Variants in MICU2 observed in about 807,000 individuals in gnomAD.
The protein encoded by MICU2 is calcium uptake protein 2, mitochondrial.
A neutral mutation model predicts 60.4 loss-of-function variants in MICU2; 64 were observed. The observed-to-expected ratio is 1.06, with a 90% CI of 0.87 to 1.31. The LOEUF (loss-of-function observed/expected upper bound fraction) is 1.31, where lower values mean the gene tolerates loss of function less well. Ranked by LOEUF, MICU2 falls within the 50% of genes most tolerant of loss-of-function variation. MICU2 has a pLI of 0.00. For missense variants in MICU2, 569 were observed against 531.0 expected (o/e 1.07, Z -0.70); for synonymous variants, 201 against 175.0 (o/e 1.15, Z -1.17).
chr13:21,530,764 C>A, intron 4 of MICU2: 4 of 603,892 alleles, frequency 6.6e-6, no homozygotes, highest in Non-Finnish European at 5.9e-6. Context: ...CCCAGCCATA[C>A]CCACCACCGC....
At chr13:21,571,506 G>A (rs1416305004) in intron 1 of MICU2, among the ~76,000 whole-genome samples, 1 of 152,128 alleles carries the variant, frequency 6.6e-6, no homozygotes, top group Admixed American at 6.5e-5. Flanking sequence ...GACCATCCTG[G>A]CTAACACAGT....
chr13:21,530,924 A>T lies in MICU2; in HGVS notation c.467-8274T>A, dbSNP rs1886980477. The T allele has an allele frequency of 1.0e-5, 8 of 762,220 alleles. No individual in the cohort carries two copies. The South Asian group carries it at 1.1e-4, about 11-fold the overall frequency. 47.2% of individuals were successfully genotyped at this position (762,220 alleles called of 1,614,324 possible). ...GCTGATATAGATCTAGTGCTGCAGA[A>T]TGTTGGCCCCAATCCTGTGGTCCAG... On this transcript the variant is annotated intron_variant, in intron 4 of 11. Transcript: ENST00000382374.
At chr13:21,517,811 G>A (rs1047551888) in intron 6 of MICU2, among the ~76,000 whole-genome samples, 10 of 139,098 alleles carry the variant, frequency 7.2e-5, no homozygotes, top group African/African-American at 1.0e-4. Flanking sequence ...GCGCGCGCGC[G>A]CGCACACGCG....
chr13:21,502,824 C>T (rs1466961795), intron 9 of MICU2, 102 bp downstream of exon 9: 15 of 1,094,462 alleles, frequency 1.4e-5, no homozygotes, highest in Admixed American at 9.7e-5. Flanking sequence ...TATATACCAT[C>T]GAGGGTAGCA....
intron 1 of MICU2, among the ~76,000 whole-genome samples, chr13:21,589,071 A>G (rs1017026423): frequency 1.3e-5 from 2 of 152,220 alleles, no homozygotes; most frequent in African/African-American, 2.4e-5. Context: ...ATTAGCAGAA[A>G]GAGTAGGAGT....
chr13:21,578,596 CAA>C (rs1380585030), intron 1 of MICU2, among the ~76,000 whole-genome samples: 4 of 136,580 alleles, frequency 2.9e-5, no homozygotes, highest in Admixed American at 7.4e-5. Flanking sequence ...GACCACATCT[CAA>C]AAAAAAAAAA....
Position 21,522,633 on chromosome 13 carries a change from C to T in MICU2, c.484G>A (p.Glu162Lys), listed in dbSNP as rs779378750. ...LGDKGLISYT[E>K]YLFLLTILTK... Reference sequence around the variant, plus strand: ...AGGATTGTAAGCAAGAAAAGATACTCGGTATATGAAATTAGCCCTGAAAGA... The same window carrying T: ...AGGATTGTAAGCAAGAAAAGATACTTGGTATATGAAATTAGCCCTGAAAGA... Residue 162 changes from glutamate to lysine, a missense_variant, in exon 5 of 12, where the codon GAG (glutamate) becomes AAG (lysine). Physicochemically the swap from Glu to Lys is moderately conservative, Grantham distance 56 (BLOSUM62 1). Transcript: ENST00000382374. 5 of 1,604,130 alleles carry T rather than the reference C, an allele frequency of 3.1e-6. No individual in the cohort carries two copies. The highest frequency in any genetic ancestry group is 2.2e-5 in the South Asian group (2 of 89,078).
chr13:21,550,659 C>T (rs761433438), intron 2 of MICU2, among the ~76,000 whole-genome samples: 9 of 152,048 alleles, frequency 5.9e-5, no homozygotes, highest in Non-Finnish European at 8.8e-5. Flanking sequence ...CTAAAATCAC[C>T]CATAGTTGAA....
chr13:21,495,775 C>A (rs1885980171), intron 10 of MICU2: 1 of 258,276 alleles, frequency 3.9e-6, no homozygotes, highest in African/African-American at 2.3e-5. Flanking sequence ...ACTTTGTGAT[C>A]CGCCCACCTT....
intron 2 of MICU2, among the ~76,000 whole-genome samples, chr13:21,554,243 C>A (rs1887647406): frequency 6.6e-6 from 1 of 152,158 alleles, no homozygotes; most frequent in Non-Finnish European, 1.5e-5. Flanking sequence ...TTTTCAGCAC[C>A]ACACCACATC....
intron 1 of MICU2, among the ~76,000 whole-genome samples, chr13:21,594,953 C>T (rs183969645): frequency 3.3e-5 from 5 of 152,130 alleles, no homozygotes; most frequent in Non-Finnish European, 7.4e-5. Context: ...ACACATATAC[C>T]GATGTAACAA....
At position 21,496,165 on chromosome 13, in the gene MICU2, T is replaced by G; in HGVS notation, c.934-5A>C. 2 of 1,596,356 alleles carry G rather than the reference T, an allele frequency of 1.3e-6. No individual in the cohort carries two copies. On this transcript the variant is annotated splice_region_variant and splice_polypyrimidine_tract_variant and intron_variant, in intron 9 of 11. Transcript: ENST00000382374. ...GAATTCATCCAAACTAATGCTCTAA[T>G]AAAGTAAGAGTTTTTATTACAATTT...
At chr13:21,519,275 C>T (rs1412340975) in intron 6 of MICU2, among the ~76,000 whole-genome samples, 1 of 152,184 alleles carries the variant, frequency 6.6e-6, no homozygotes, top group Non-Finnish European at 1.5e-5. Context: ...TCACGCTGGT[C>T]TCAAACTGCT....
At chr13:21,511,031 T>C (rs530295536) in intron 7 of MICU2, among the ~76,000 whole-genome samples, 1 of 152,078 alleles carries the variant, frequency 6.6e-6, no homozygotes, top group Admixed American at 6.5e-5. Flanking sequence ...CTATGTTAAA[T>C]TGAGGGAATA....
chr13:21,509,900 AT>A (rs1886384745), intron 8 of MICU2, 103 bp downstream of exon 8: 2 of 599,950 alleles, frequency 3.3e-6, no homozygotes, highest in South Asian at 2.5e-5. Flanking sequence ...CACAAACAGT[AT>A]TTTAGTTTTA....
At chr13:21,537,038 C>A (rs1887146321) in intron 4 of MICU2, among the ~76,000 whole-genome samples, 1 of 152,206 alleles carries the variant, frequency 6.6e-6, no homozygotes. Context: ...CTGTTTTCAA[C>A]CTCACTGGCA....
intron 2 of MICU2, among the ~76,000 whole-genome samples, chr13:21,547,853 ACTT>A (rs1256988089): frequency 6.6e-6 from 1 of 152,066 alleles, no homozygotes; most frequent in Non-Finnish European, 1.5e-5. Flanking sequence ...TGCCTCTGGT[ACTT>A]CTTAGAGATG....
At chr13:21,540,879 C>T (rs112982167) in intron 2 of MICU2, among the ~76,000 whole-genome samples, 4 of 152,092 alleles carry the variant, frequency 2.6e-5, no homozygotes, top group African/African-American at 7.2e-5. Flanking sequence ...TCATATAATG[C>T]TGATAATGAA....
intron 1 of MICU2, among the ~76,000 whole-genome samples, chr13:21,589,314 G>T (rs929527120): frequency 6.6e-6 from 1 of 152,168 alleles, no homozygotes; most frequent in African/African-American, 2.4e-5. Context: ...ACTTATTCTT[G>T]TCAGGTGCTG....
Sources: allele counts gnomAD v4.1 joint callset (sites outside exome capture counted in the v4.1 genomes callset), GRCh38; gene constraint gnomAD v4.1.1; transcripts MANE v1.5; gene names NCBI Gene and HGNC (gene_info 2026-07-23, HGNC 2026-07-21).